PPP1R9A: variants seen among roughly 807,000 people sequenced by gnomAD.
PPP1R9A encodes the protein protein phosphatase 1 regulatory subunit 9A, also known as neurabin-1.
A neutral mutation model predicts 141.9 loss-of-function variants in PPP1R9A; 59 were observed. The ratio of observed to expected loss-of-function variants is 0.42; its 90% CI spans 0.34 to 0.52. The LOEUF (loss-of-function observed/expected upper bound fraction) is 0.52, where lower values mean the gene tolerates loss of function less well. Among genes scored for constraint, PPP1R9A ranks in the 20% least tolerant of loss-of-function variants. The probability of loss-of-function intolerance (pLI) is 0.10; values close to 1 mark genes in which losing one functional copy is unlikely to be tolerated. For missense variants in PPP1R9A, 1,444 were observed against 1,611.9 expected, an observed-to-expected ratio of 0.90 and a Z score of 1.78; for synonymous variants, 500 against 569.7, an observed-to-expected ratio of 0.88 and a Z score of 1.74.
At chr7:95,170,763 T>A (rs191587778) in intron 5 of PPP1R9A, among the ~76,000 whole-genome samples, 2 of 151,234 alleles carry the variant, frequency 1.3e-5, no homozygotes, top group East Asian at 3.9e-4. Flanking sequence ...AACGAAATTC[T>A]AGACCTACAG....
chr7:95,219,955 T>A (rs970151321), intron 7 of PPP1R9A, among the ~76,000 whole-genome samples: 13 of 152,150 alleles, frequency 8.5e-5, no homozygotes, highest in African/African-American at 3.1e-4. Context: ...ATCATAATCA[T>A]AACGTCATGC....
chr7:95,241,300 G>C (rs1414863349), intron 8 of PPP1R9A, among the ~76,000 whole-genome samples: 1 of 152,174 alleles, frequency 6.6e-6, no homozygotes, highest in African/African-American at 2.4e-5. Flanking sequence ...TACTGAGGAA[G>C]TTAGAGAGCC....
intron 2 of PPP1R9A, among the ~76,000 whole-genome samples, chr7:94,912,824 T>C (rs1791618429): frequency 6.6e-6 from 1 of 152,128 alleles, no homozygotes; most frequent in Non-Finnish European, 1.5e-5. Context: ...CAGATGTCAA[T>C]TCAGTTTGAA....
intron 12 of PPP1R9A, among the ~76,000 whole-genome samples, chr7:95,267,041 A>G (rs1230361668): frequency 6.6e-6 from 1 of 152,246 alleles, no homozygotes; most frequent in South Asian, 2.1e-4. Context: ...TTCATTCTTC[A>G]TTCAGATATA....
At chr7:95,159,733 C>T (rs1830166506) in intron 4 of PPP1R9A, among the ~76,000 whole-genome samples, 1 of 151,840 alleles carries the variant, frequency 6.6e-6, no homozygotes, top group Non-Finnish European at 1.5e-5. Context: ...ACCAGCCTGA[C>T]CAACATGATG....
At chr7:94,940,947 T>A (rs1174990648) in intron 2 of PPP1R9A, among the ~76,000 whole-genome samples, 2 of 152,126 alleles carry the variant, frequency 1.3e-5, no homozygotes, top group Admixed American at 1.3e-4. Context: ...TTGTTCATAA[T>A]GAAGAAACAG....
At chr7:95,147,965 G>C (rs1366801305) in intron 4 of PPP1R9A, among the ~76,000 whole-genome samples, 2 of 151,908 alleles carry the variant, frequency 1.3e-5, no homozygotes, top group African/African-American at 2.4e-5. Flanking sequence ...TTCTTTTTTT[G>C]TTGTGAAGAG....
At chr7:95,127,930 C>T (rs952455635) in intron 4 of PPP1R9A, among the ~76,000 whole-genome samples, 1 of 152,134 alleles carries the variant, frequency 6.6e-6, no homozygotes, top group African/African-American at 2.4e-5. Context: ...TTAGTGGACA[C>T]CTAGGTTGGT....
At chr7:95,200,714 A>G (rs879107191) in intron 6 of PPP1R9A, among the ~76,000 whole-genome samples, 1 of 152,208 alleles carries the variant, frequency 6.6e-6, no homozygotes, top group Non-Finnish European at 1.5e-5. Flanking sequence ...GTTTTTGTAA[A>G]GTAATCAGAG....
chr7:94,947,771 A>G (rs1796050210), intron 2 of PPP1R9A, among the ~76,000 whole-genome samples: 1 of 152,172 alleles, frequency 6.6e-6, no homozygotes, highest in Non-Finnish European at 1.5e-5. Context: ...TAGAATTTGT[A>G]ATAAGTTTCA....
At chr7:95,211,246 A>G (rs1026235980) in intron 7 of PPP1R9A, among the ~76,000 whole-genome samples, 3 of 152,190 alleles carry the variant, frequency 2.0e-5, no homozygotes, top group Admixed American at 6.5e-5. Flanking sequence ...AGATGGGTCA[A>G]CTTGAACTCA....
intron 5 of PPP1R9A, among the ~76,000 whole-genome samples, chr7:95,194,712 A>C (rs921379198): frequency 9.9e-5 from 14 of 142,044 alleles, no homozygotes; most frequent in African/African-American, 3.9e-4. Context: ...AGTATCACTT[A>C]CAATACCAAA....
At chr7:94,979,002 G>T (rs965418694) in intron 2 of PPP1R9A, among the ~76,000 whole-genome samples, 6 of 152,136 alleles carry the variant, frequency 3.9e-5, no homozygotes, top group African/African-American at 1.4e-4. Context: ...TTGCCATGTT[G>T]GCCAGGCTGG....
chr7:95,019,339 C>T (rs1805565095), intron 2 of PPP1R9A, among the ~76,000 whole-genome samples: 1 of 152,104 alleles, frequency 6.6e-6, no homozygotes, highest in Non-Finnish European at 1.5e-5. Context: ...GCCCAGATCG[C>T]AACACTGCAC....
intron 2 of PPP1R9A, among the ~76,000 whole-genome samples, chr7:94,938,877 C>T (rs1030609610): frequency 5.3e-5 from 8 of 152,118 alleles, no homozygotes; most frequent in African/African-American, 1.9e-4. Context: ...AGAGTTCTTG[C>T]AGTATTTTCT....
chr7:95,266,105 G>T (rs1801245942), intron 12 of PPP1R9A, among the ~76,000 whole-genome samples: 1 of 152,052 alleles, frequency 6.6e-6, no homozygotes, highest in East Asian at 1.9e-4. Context: ...TATTTGTTCA[G>T]CTTCCATTGA....
Position 95,250,134 on chromosome 7 carries a change from A to C in PPP1R9A, c.2275A>C (p.Ile759Leu), listed in dbSNP as rs1441720852. The C allele has an allele frequency of 6.2e-7, 1 of 1,614,006 alleles. No individual in the cohort carries two copies. The highest frequency in any genetic ancestry group is 1.7e-5 in the Admixed American group (1 of 59,990). The change falls in exon 10 of 20, where the codon ATT becomes CTT. Residue 759 changes from isoleucine to leucine, a missense_variant. Physicochemically the swap from Ile to Leu is conservative, Grantham distance 5. Around this residue, in one of 5 missense-constraint regions of PPP1R9A, gnomAD observed 488 missense variants for 542.0 expected, o/e 0.90. Coordinates refer to ENST00000433360, the MANE Select transcript of PPP1R9A (RefSeq NM_001166160.2). ...ERMLKLESYWIEAQTLCHTVN... is the reference protein window; with the variant it reads ...ERMLKLESYWLEAQTLCHTVN... Reference sequence around the variant, plus strand: ...AATGTTGAAGTTGGAAAGCTACTGGATTGAGGCCCAAACATTATGCCACAC... The same window carrying C: ...AATGTTGAAGTTGGAAAGCTACTGGCTTGAGGCCCAAACATTATGCCACAC...
chr7:95,251,894 T>A, intron 11 of PPP1R9A, 36 bp downstream of exon 11: 1 of 1,610,470 alleles, frequency 6.2e-7, no homozygotes, highest in Non-Finnish European at 8.5e-7. Context: ...AATAATAAGA[T>A]GGTTTTGCTG....
At chr7:95,046,564 C>A (rs779836634) in intron 2 of PPP1R9A, among the ~76,000 whole-genome samples, 1 of 152,086 alleles carries the variant, frequency 6.6e-6, no homozygotes, top group Non-Finnish European at 1.5e-5. Context: ...TATTTAAATT[C>A]TTTCTTAATA....
Sources: gnomAD v4.1 joint callset for allele counts (sites outside exome capture counted in the v4.1 genomes callset) on GRCh38, gnomAD v4.1.1 for gene constraint, gnomAD v4.1.1 regional missense constraint, MANE v1.5 for transcripts, NCBI Gene and HGNC (gene_info 2026-07-23, HGNC 2026-07-21) for gene names.